The following MKLN1 variants were observed in gnomAD, a reference collection of about 807,000 sequenced individuals.
MKLN1 encodes the protein muskelin 1, also known as muskelin.
Under a neutral mutation model 99.0 loss-of-function variants are expected in MKLN1, and 18 were observed. That is an observed-to-expected ratio of 0.18 (90% CI 0.13 to 0.27). The LOEUF (loss-of-function observed/expected upper bound fraction) is 0.27, where lower values mean the gene tolerates loss of function less well. Among genes scored for constraint, MKLN1 ranks in the 10% least tolerant of loss-of-function variants. The pLI is 1.00. For synonymous variants in MKLN1, 288 were observed against 293.2 expected (o/e 0.98, Z 0.18); for missense variants, 621 against 875.9 (o/e 0.71, Z 3.67).
chr7:131,221,615 C>T (rs1017518921), intron 3 of MKLN1, among the ~76,000 whole-genome samples: 2 of 148,364 alleles, frequency 1.3e-5, no homozygotes, highest in Non-Finnish European at 3.0e-5. Context: ...TTGGATGATT[C>T]TCCTGCCTCA....
At chr7:131,152,686 G>C (rs1795905618) in intron 2 of MKLN1, among the ~76,000 whole-genome samples, 1 of 151,570 alleles carries the variant, frequency 6.6e-6, no homozygotes, top group Non-Finnish European at 1.5e-5. Flanking sequence ...TTTTAGTACA[G>C]ACAGGGTTTC....
chr7:131,277,794 A>T (rs986912676), intron 3 of MKLN1, among the ~76,000 whole-genome samples: 1 of 152,206 alleles, frequency 6.6e-6, no homozygotes, highest in Non-Finnish European at 1.5e-5. Flanking sequence ...TCTTCTTTAA[A>T]AGACAAATAT....
intron 2 of MKLN1, among the ~76,000 whole-genome samples, chr7:131,163,911 C>G (rs543148853): frequency 6.6e-6 from 1 of 152,104 alleles, no homozygotes; most frequent in East Asian, 1.9e-4. Context: ...CTTCAAATAC[C>G]GAAGAGGATG....
intron 3 of MKLN1, among the ~76,000 whole-genome samples, chr7:131,264,417 T>A (rs1217492413): frequency 6.6e-6 from 1 of 152,206 alleles, no homozygotes; most frequent in East Asian, 1.9e-4. Context: ...CCTCTATGTT[T>A]GATGCTTACC....
chr7:131,360,601 T>TAA (rs1800001653), intron 1 of MKLN1, among the ~76,000 whole-genome samples: 1 of 152,210 alleles, frequency 6.6e-6, no homozygotes, highest in Non-Finnish European at 1.5e-5. Context: ...GTATCCCTTA[T>TAA]AATGTTGTTC....
intron 3 of MKLN1, among the ~76,000 whole-genome samples, chr7:131,240,036 C>T (rs1011388592): frequency 6.6e-6 from 1 of 151,996 alleles, no homozygotes; most frequent in Admixed American, 6.6e-5. Flanking sequence ...TAAAAATTAG[C>T]AGGACATGAT....
Position 131,240,052 on chromosome 7 carries a change from G to A in MKLN1, c.-179+37078G>A, listed in dbSNP as rs111652237. Among the ~76,000 whole-genome samples, 858 of 152,096 alleles carry A rather than the reference G, an allele frequency of 5.6e-3. 5 individuals are homozygous for A. The highest frequency in any genetic ancestry group is 0.02 in the African/African-American group (821 of 41,488). On this transcript the variant is annotated intron_variant, in intron 3 of 7. Coordinates refer to the MKLN1 transcript ENST00000416992. ...AAAAATTAGCAGGACATGATGGTGCGTGCTTTTAGTCCCAGCTACTTGGCA... is the reference window on the plus strand; with the variant it reads ...AAAAATTAGCAGGACATGATGGTGCATGCTTTTAGTCCCAGCTACTTGGCA...
chr7:131,402,961 T>C (rs1348972664), intron 6 of MKLN1, among the ~76,000 whole-genome samples: 1 of 152,152 alleles, frequency 6.6e-6, no homozygotes, highest in Non-Finnish European at 1.5e-5. Flanking sequence ...TGACTTCCGC[T>C]TAAAGTCACT....
intron 3 of MKLN1, among the ~76,000 whole-genome samples, chr7:131,305,160 C>G (rs186970480): frequency 6.6e-6 from 1 of 152,220 alleles, no homozygotes; most frequent in Admixed American, 6.5e-5. Context: ...TATGTGTTAC[C>G]CAGTCTCAGT....
At chr7:131,321,949 G>A (rs1336319142) in intron 3 of MKLN1, among the ~76,000 whole-genome samples, 1 of 152,126 alleles carries the variant, frequency 6.6e-6, no homozygotes, top group Non-Finnish European at 1.5e-5. Flanking sequence ...TCCCACAAAT[G>A]GAAAAAGACA....
At chr7:131,209,434 T>C (rs1796867289) in intron 3 of MKLN1, among the ~76,000 whole-genome samples, 1 of 152,094 alleles carries the variant, frequency 6.6e-6, no homozygotes, top group Non-Finnish European at 1.5e-5. Context: ...GCGCTGGGTG[T>C]ATGGGGTGTA....
At chr7:131,460,104 A>G (rs986549091) in intron 12 of MKLN1, among the ~76,000 whole-genome samples, 1 of 151,922 alleles carries the variant, frequency 6.6e-6, no homozygotes, top group Non-Finnish European at 1.5e-5. Context: ...GCTCCTTTTT[A>G]TGGCAGCTTA....
At chr7:131,253,722 C>G (rs1241306862) in intron 3 of MKLN1, among the ~76,000 whole-genome samples, 2 of 152,132 alleles carry the variant, frequency 1.3e-5, no homozygotes, top group Non-Finnish European at 2.9e-5. Context: ...AACAGAGAGG[C>G]CTGAAGCTCT....
chr7:131,461,227 C>T (rs569737855), intron 12 of MKLN1, among the ~76,000 whole-genome samples: 28 of 149,622 alleles, frequency 1.9e-4, no homozygotes, highest in Non-Finnish European at 3.3e-4. Context: ...ACAGATGCAA[C>T]CATTTATGGG....
chr7:131,233,356 G>A (rs975918385), intron 3 of MKLN1, among the ~76,000 whole-genome samples: 4 of 144,124 alleles, frequency 2.8e-5, no homozygotes, highest in African/African-American at 1.0e-4. Context: ...GGTGACAGAA[G>A]GAGACCCTGT....
At chr7:131,207,580 A>G (rs7788568) in intron 3 of MKLN1, among the ~76,000 whole-genome samples, 70,511 of 152,050 alleles carry the variant, frequency 0.46, 17,090 homozygotes, top group South Asian at 0.61. Flanking sequence ...CTAGCATGCC[A>G]TGCCTTTACT....
chr7:131,201,512 C>T (rs1227993347), intron 2 of MKLN1, among the ~76,000 whole-genome samples: 1 of 152,210 alleles, frequency 6.6e-6, no homozygotes, highest in African/African-American at 2.4e-5. Context: ...AAGGCTACTA[C>T]TTCTAGGCAC....
At chr7:131,328,111 G>C in intron 1 of MKLN1, 114 bp downstream of exon 1, 1 of 1,279,680 alleles carries the variant, frequency 7.8e-7, no homozygotes, top group South Asian at 1.3e-5. Context: ...CCTGCTGAGG[G>C]GGACGTGCGG....
At chr7:131,354,969 C>T (rs751785321) in intron 1 of MKLN1, among the ~76,000 whole-genome samples, 1 of 152,014 alleles carries the variant, frequency 6.6e-6, no homozygotes, top group Non-Finnish European at 1.5e-5. Context: ...TTGGTAGAGA[C>T]AGGGTCTCAC....
Sources: allele counts gnomAD v4.1 joint callset (sites outside exome capture counted in the v4.1 genomes callset), GRCh38; gene constraint gnomAD v4.1.1; transcripts MANE v1.5; gene names NCBI Gene and HGNC (gene_info 2026-07-23, HGNC 2026-07-21).